The following CBFA2T3 variants were observed in gnomAD, a reference collection of about 807,000 sequenced individuals.
The protein encoded by CBFA2T3 is transcriptional corepressor CBFA2T3.
A neutral mutation model predicts 58.6 loss-of-function variants in CBFA2T3; 31 were observed. The ratio of observed to expected loss-of-function variants is 0.53; its 90% confidence interval spans 0.40 to 0.71. The LOEUF (loss-of-function observed/expected upper bound fraction) is 0.71, where lower values mean the gene tolerates loss of function less well. Ranked by LOEUF, CBFA2T3 falls within the 30% of genes least tolerant of loss-of-function variation. The probability of loss-of-function intolerance (pLI) is 0.00; values close to 1 mark genes in which losing one functional copy is unlikely to be tolerated. For missense variants in CBFA2T3, 1,076 were observed against 963.1 expected (o/e 1.12, Z -1.55); for synonymous variants, 531 against 421.9 (o/e 1.26, Z -3.17).
At chr16:88,891,621 G>A (rs1354420187) in intron 5 of CBFA2T3, among the ~76,000 whole-genome samples, 1 of 152,200 alleles carries the variant, frequency 6.6e-6, no homozygotes, top group East Asian at 1.9e-4. Flanking sequence ...TGGATTTAAG[G>A]GCTGATAATC....
At chr16:88,899,118 C>T (rs1221569490) in intron 2 of CBFA2T3, among the ~76,000 whole-genome samples, 3 of 138,286 alleles carry the variant, frequency 2.2e-5, no homozygotes, top group African/African-American at 5.3e-5. Flanking sequence ...GATGAATTTG[C>T]GCCCAGGGCT....
intron 1 of CBFA2T3, among the ~76,000 whole-genome samples, chr16:88,917,424 G>A (rs1162394470): frequency 6.6e-6 from 1 of 152,210 alleles, no homozygotes; most frequent in Non-Finnish European, 1.5e-5. Context: ...CCTGGGAACG[G>A]GACCCTCCCA....
rs566520469 is a variant in CBFA2T3, at chr16:88,976,825, G to C, written c.-18C>G. On this transcript the variant is annotated 5_prime_UTR_variant, in exon 1 of 12. Transcript: ENST00000268679. Reference sequence around the variant, plus strand: ...GCCGGCATGAGGAGGGCCACCCTCAGGGGCCAACCTGGAGCCCAGGACAGG... The same window carrying C: ...GCCGGCATGAGGAGGGCCACCCTCACGGGCCAACCTGGAGCCCAGGACAGG... 1.3e-6 allele frequency: 2 copies of C among 1,543,772 alleles called. No homozygotes were observed. The highest frequency in any genetic ancestry group is 2.4e-5 in the South Asian group (2 of 83,962).
At chr16:88,924,616 G>A (rs1168446818) in intron 1 of CBFA2T3, among the ~76,000 whole-genome samples, 1 of 152,240 alleles carries the variant, frequency 6.6e-6, no homozygotes, top group African/African-American at 2.4e-5. Context: ...GCCCCTGCAA[G>A]GCAGCACAGG....
chr16:88,907,468 C>T (rs75659251), intron 1 of CBFA2T3, among the ~76,000 whole-genome samples: 6,419 of 152,340 alleles, frequency 0.042, 186 homozygotes, highest in African/African-American at 0.079. Context: ...AGGGCTCTGA[C>T]GCCCGGAGGG....
intron 1 of CBFA2T3, among the ~76,000 whole-genome samples, chr16:88,931,437 G>A (rs2142768714): frequency 6.6e-6 from 1 of 152,248 alleles, no homozygotes. Context: ...ACCGGTCTGT[G>A]GCAAGTGACA....
chr16:88,891,468 G>A (rs1323012746), intron 5 of CBFA2T3, among the ~76,000 whole-genome samples: 1 of 152,164 alleles, frequency 6.6e-6, no homozygotes, highest in Non-Finnish European at 1.5e-5. Flanking sequence ...GCTCCAGGAG[G>A]GACCTGCTGC....
At position 88,901,503 on chromosome 16, in the gene CBFA2T3, C is replaced by T. The variant is rs777744188; in HGVS notation, c.304+1G>A. 4 of 1,465,764 alleles carry T rather than the reference C, an allele frequency of 2.7e-6. No homozygotes were observed. The highest frequency in any genetic ancestry group is 3.6e-6 in the Non-Finnish European group (4 of 1,110,034). The allele number at this position is 1,465,764 out of a possible 1,614,324, so 90.8% of individuals were successfully genotyped here. A position where few individuals can be genotyped will look rare whatever the true frequency, so the allele number is the denominator to read the frequency against. ...TCGGCTGCCAGGTGGGGGCTACTTA[C>T]GTGTGTGTGGCGTGAAGGAGGGGGG... On this transcript the variant is annotated splice_donor_variant, in intron 2 of 11. Coordinates refer to ENST00000268679, the MANE Select transcript of CBFA2T3 (RefSeq NM_005187.6). LOFTEE classifies it high-confidence loss of function.
At chr16:88,902,128 G>A (rs1411733630) in intron 1 of CBFA2T3, among the ~76,000 whole-genome samples, 1 of 152,244 alleles carries the variant, frequency 6.6e-6, no homozygotes, top group Non-Finnish European at 1.5e-5. Flanking sequence ...CGCTGCTGCT[G>A]GTCTGGCCCT....
chr16:88,911,552 C>T (rs1198528520), intron 1 of CBFA2T3, among the ~76,000 whole-genome samples: 2 of 152,278 alleles, frequency 1.3e-5, no homozygotes, highest in Non-Finnish European at 2.9e-5. Context: ...CCTCTCCCTG[C>T]AGGAACGGAG....
chr16:88,973,986 G>A (rs1009877084), intron 1 of CBFA2T3, among the ~76,000 whole-genome samples: 4 of 151,918 alleles, frequency 2.6e-5, no homozygotes, highest in Non-Finnish European at 4.4e-5. Flanking sequence ...CCACCTCCCC[G>A]AGATCCCACG....
In CBFA2T3 at chr16:88,916,266, CTG is replaced by C. The variant is rs375316792; in HGVS notation, c.152-14612_152-14611del. Among the ~76,000 whole-genome samples the C allele has an allele frequency of 4.6e-3, 638 of 139,704 alleles. 4 individuals are homozygous for C. The highest frequency in any genetic ancestry group is 0.015 in the African/African-American group (543 of 36,634). 91.7% of individuals were successfully genotyped at this position (139,704 alleles called of 152,430 possible). On this transcript the variant is annotated intron_variant, in intron 1 of 11. Transcript: ENST00000268679. ...TGTGTGTATTCATGCGTGTGCATGG[CTG>C]TGTCTGTGTATATGCACTTACATAT...
chr16:88,890,625 C>CA (rs1480335319), intron 5 of CBFA2T3, among the ~76,000 whole-genome samples: 2 of 152,256 alleles, frequency 1.3e-5, no homozygotes, highest in Admixed American at 6.5e-5. Flanking sequence ...GCAGAGATGG[C>CA]AGTCTGACTC....
In CBFA2T3 at chr16:88,891,498, C is replaced by T. The variant is rs977269595; in HGVS notation, c.711+384G>A. ...TGCTGCATGTCCTGGGCCCTATCCCCGAGCCTTGCCCCCACACTGGCACGT... is the reference window on the plus strand; with the variant it reads ...TGCTGCATGTCCTGGGCCCTATCCCTGAGCCTTGCCCCCACACTGGCACGT... On this transcript the variant is annotated intron_variant, in intron 5 of 11. Coordinates refer to ENST00000268679, the MANE Select transcript of CBFA2T3 (RefSeq NM_005187.6). Among the ~76,000 whole-genome samples the T allele has an allele frequency of 5.3e-5, 8 of 152,322 alleles. No homozygotes were observed. The South Asian group carries it at 8.3e-4, about 16-fold the overall frequency.
chr16:88,897,728 C>T (rs1233460230), intron 3 of CBFA2T3, among the ~76,000 whole-genome samples: 1 of 152,218 alleles, frequency 6.6e-6, no homozygotes, highest in African/African-American at 2.4e-5. Flanking sequence ...CTAGCAATAG[C>T]TGAGCTACAG....
intron 1 of CBFA2T3, among the ~76,000 whole-genome samples, chr16:88,916,260 G>A (rs1158618189): frequency 6.6e-6 from 1 of 151,768 alleles, no homozygotes; most frequent in Non-Finnish European, 1.5e-5. Flanking sequence ...TCATGCGTGT[G>A]CATGGCTGTG....
chr16:88,934,152 TCGGCACACGGAGGCACCGGCGAGAAGGGC>T (rs1971413461), intron 1 of CBFA2T3, among the ~76,000 whole-genome samples: 1 of 134,550 alleles, frequency 7.4e-6, no homozygotes, highest in Non-Finnish European at 1.5e-5. Context: ...AGGCCGCCCC[TCGGCACACGGAGGCACCGGCGAGAAGGGC>T]TGCCCCACGC....
intron 1 of CBFA2T3, among the ~76,000 whole-genome samples, chr16:88,942,726 G>C (rs887742264): frequency 6.6e-6 from 1 of 152,248 alleles, no homozygotes; most frequent in Non-Finnish European, 1.5e-5. Context: ...TCTGAAGCCA[G>C]CCAGACTCCG....
intron 1 of CBFA2T3, among the ~76,000 whole-genome samples, chr16:88,970,950 C>T (rs1972640451): frequency 6.6e-6 from 1 of 152,086 alleles, no homozygotes; most frequent in Non-Finnish European, 1.5e-5. Context: ...GAGGGGGCTC[C>T]TCGGCGAGGG....
Sources: allele counts gnomAD v4.1 joint callset (sites outside exome capture counted in the v4.1 genomes callset), GRCh38; gene constraint gnomAD v4.1.1; transcripts MANE v1.5; gene names NCBI Gene and HGNC (gene_info 2026-07-23, HGNC 2026-07-21).